Variants in SDCCAG8 observed in about 807,000 individuals in gnomAD.
SDCCAG8 encodes SHH signaling and ciliogenesis regulator SDCCAG8.
A neutral mutation model predicts 101.8 loss-of-function variants in SDCCAG8; 74 were observed. That is an observed-to-expected ratio of 0.73 (90% CI 0.60 to 0.88). The LOEUF (loss-of-function observed/expected upper bound fraction) is 0.88, where lower values mean the gene tolerates loss of function less well. Among genes scored for constraint, SDCCAG8 ranks in the 40% least tolerant of loss-of-function variants. The pLI is 0.00. For missense variants in SDCCAG8, 787 were observed against 822.6 expected (o/e 0.96, Z 0.53); for synonymous variants, 281 against 292.9 (o/e 0.96, Z 0.41).
chr1:243,281,300 T>C (rs1428150300), intron 4 of SDCCAG8, among the ~76,000 whole-genome samples: 6 of 142,696 alleles, frequency 4.2e-5, no homozygotes, highest in African/African-American at 1.3e-4. Flanking sequence ...TTGAGATTTC[T>C]TTTTTTTTTT....
chr1:243,428,204 A>C (rs928766476), intron 16 of SDCCAG8, among the ~76,000 whole-genome samples: 1 of 152,222 alleles, frequency 6.6e-6, no homozygotes, highest in African/African-American at 2.4e-5. Context: ...CCAGATGGAG[A>C]ACTAAGCCTA....
intron 15 of SDCCAG8, among the ~76,000 whole-genome samples, chr1:243,421,827 G>C (rs1427972457): frequency 1.3e-5 from 2 of 152,100 alleles, no homozygotes; most frequent in African/African-American, 4.8e-5. Context: ...TTATAGTTAT[G>C]GGGTTGTTTT....
In SDCCAG8 at chr1:243,308,112, G is replaced by A. The variant is rs1312256486; in HGVS notation, c.864G>A (p.Gln288=). The change falls in exon 8 of 18, where the codon CAG becomes CAA. Residue 288 remains glutamine (Q), a synonymous_variant. Coordinates refer to ENST00000366541, the MANE Select transcript of SDCCAG8 (RefSeq NM_006642.5). ...GTGGTCTTTGTTTGAAATGTGCTCA[G>A]CATGAAGCTGTTCTTTCCCAAACCC... The part of the protein sequence containing the change: ...RVGGLCLKCA[Q]HEAVLSQTHT... The A allele has an allele frequency of 1.2e-6, 2 of 1,614,164 alleles. No individual in the cohort carries two copies. The highest frequency in any genetic ancestry group is 2.2e-5 in the South Asian group (2 of 91,080).
chr1:243,271,186 T>A, intron 3 of SDCCAG8, 123 bp downstream of exon 3: 1 of 706,680 alleles, frequency 1.4e-6, no homozygotes, highest in Non-Finnish European at 2.6e-6. Flanking sequence ...ACATTAAAAG[T>A]AATTCTCTTC....
At chr1:243,307,181 T>C (rs2072229913) in intron 7 of SDCCAG8, among the ~76,000 whole-genome samples, 1 of 151,928 alleles carries the variant, frequency 6.6e-6, no homozygotes, top group South Asian at 2.1e-4. Flanking sequence ...ACTAGTCAAT[T>C]AATCCTTAAA....
chr1:243,374,961 CTA>C (rs908360415), intron 12 of SDCCAG8, among the ~76,000 whole-genome samples: 5 of 151,894 alleles, frequency 3.3e-5, no homozygotes, highest in Non-Finnish European at 7.4e-5. Flanking sequence ...GAAAAACAAA[CTA>C]TTAAAAAACT....
chr1:243,390,889 G>A (rs1394777440), intron 13 of SDCCAG8, among the ~76,000 whole-genome samples: 1 of 152,228 alleles, frequency 6.6e-6, no homozygotes, highest in Admixed American at 6.5e-5. Flanking sequence ...TATTTTTAAA[G>A]TAAAAGGAAT....
chr1:243,451,834 T>G (rs1448634573), intron 16 of SDCCAG8, among the ~76,000 whole-genome samples: 1 of 151,984 alleles, frequency 6.6e-6, no homozygotes, highest in African/African-American at 2.4e-5. Flanking sequence ...AAGGCTGAGG[T>G]GGGAGGATCG....
intron 12 of SDCCAG8, among the ~76,000 whole-genome samples, chr1:243,374,177 A>G (rs2077462647): frequency 6.6e-6 from 1 of 152,116 alleles, no homozygotes; most frequent in South Asian, 2.1e-4. Flanking sequence ...GAAATCTTCC[A>G]GAAGTTACAA....
chr1:243,453,033 A>G (rs1250581558), intron 16 of SDCCAG8, among the ~76,000 whole-genome samples: 2 of 152,226 alleles, frequency 1.3e-5, no homozygotes, highest in Non-Finnish European at 2.9e-5. Flanking sequence ...GGAACATAGT[A>G]GGCACTCAAA....
intron 16 of SDCCAG8, among the ~76,000 whole-genome samples, chr1:243,446,838 T>G (rs1163849831): frequency 6.6e-6 from 1 of 152,178 alleles, no homozygotes; most frequent in Non-Finnish European, 1.5e-5. Flanking sequence ...AGCCAGGCTT[T>G]CTCGGATGGG....
At chr1:243,445,872 G>A (rs1003620773) in intron 16 of SDCCAG8, among the ~76,000 whole-genome samples, 12 of 152,304 alleles carry the variant, frequency 7.9e-5, no homozygotes, top group African/African-American at 2.6e-4. Flanking sequence ...TCACTCCACT[G>A]CGTTTTCATA....
intron 12 of SDCCAG8, among the ~76,000 whole-genome samples, chr1:243,364,451 G>C (rs2076882981): frequency 6.6e-6 from 1 of 152,150 alleles, no homozygotes. Context: ...GGGAACCAGA[G>C]CATTCATACT....
chr1:243,324,031 C>T lies in SDCCAG8; in HGVS notation c.1069-6509C>T, dbSNP rs145988157. Among the ~76,000 whole-genome samples the T allele has an allele frequency of 4.5e-3, 684 of 152,248 alleles. 5 individuals carry two copies. Among genetic ancestry groups the T allele is most frequent in the African/African-American group, 0.016 (663 of 41,524 alleles). On this transcript the variant is annotated intron_variant, in intron 9 of 17. Transcript: ENST00000366541. Reference sequence around the variant, plus strand: ...CATGTTGCCTTGACTTCCTGGGATTCATTTCTCCTCACGTGGCCAAATATT... The same window carrying T: ...CATGTTGCCTTGACTTCCTGGGATTTATTTCTCCTCACGTGGCCAAATATT...
chr1:243,488,599 C>G (rs1558540592), intron 16 of SDCCAG8: 3 of 250,216 alleles, frequency 1.2e-5, no homozygotes, highest in East Asian at 1.0e-4. Context: ...AATGGAAAAC[C>G]CTTACTTCAG....
At chr1:243,291,881 A>G (rs2070303417) in intron 5 of SDCCAG8, among the ~76,000 whole-genome samples, 2 of 152,174 alleles carry the variant, frequency 1.3e-5, no homozygotes, top group South Asian at 4.1e-4. Context: ...GTTATCCACA[A>G]TTCTGTCTGA....
At chr1:243,469,778 T>C (rs1660843734) in intron 16 of SDCCAG8, among the ~76,000 whole-genome samples, 1 of 151,728 alleles carries the variant, frequency 6.6e-6, no homozygotes, top group Non-Finnish European at 1.5e-5. Context: ...GAGATAGGCA[T>C]GGCCTTTTCA....
At chr1:243,377,349 T>G (rs190805644) in intron 12 of SDCCAG8, among the ~76,000 whole-genome samples, 7 of 152,096 alleles carry the variant, frequency 4.6e-5, no homozygotes, top group Admixed American at 4.6e-4. Flanking sequence ...TCTCTTTAAT[T>G]ATATTTAATT....
intron 9 of SDCCAG8, among the ~76,000 whole-genome samples, chr1:243,321,999 G>A (rs750136075): frequency 3.3e-5 from 5 of 152,228 alleles, no homozygotes; most frequent in Non-Finnish European, 7.3e-5. Flanking sequence ...TTGAGTTGAT[G>A]TATCTTTTTG....
Sources: allele counts gnomAD v4.1 joint callset (sites outside exome capture counted in the v4.1 genomes callset), GRCh38; gene constraint gnomAD v4.1.1; transcripts MANE v1.5; gene names NCBI Gene and HGNC (gene_info 2026-07-23, HGNC 2026-07-21).